Variants in CNOT6 observed in about 807,000 individuals in gnomAD.
CNOT6 encodes the protein CCR4-NOT transcription complex subunit 6, also known as carbon catabolite repression 4 protein.
CNOT6 carries 12 observed loss-of-function variants against 61.2 expected under a neutral mutation model. The observed-to-expected ratio is 0.20, with a 90% CI of 0.13 to 0.32. The LOEUF (loss-of-function observed/expected upper bound fraction) is 0.32, where lower values mean the gene tolerates loss of function less well. CNOT6 is among the 10% of genes least tolerant of loss of function. The probability of loss-of-function intolerance (pLI) is 1.00; values close to 1 mark genes in which losing one functional copy is unlikely to be tolerated. For synonymous variants in CNOT6, 225 were observed against 240.6 expected, an observed-to-expected ratio of 0.94 and a Z score of 0.60; for missense variants, 405 against 663.9, an observed-to-expected ratio of 0.61 and a Z score of 4.28.
rs1309965304 is a variant in CNOT6 at position 180,494,463 on chromosome 5, G to GCGGCGGCGA, written c.-294_-286dup. On this transcript the variant is annotated 5_prime_UTR_variant, in exon 1 of 12. Transcript: ENST00000261951. ...GGAGGAGGAGGCGGCGGCGTCGGTGGCGGCGGCGACGGCGGCGCGGAGGCG... is the reference window on the plus strand; with the variant it reads ...GGAGGAGGAGGCGGCGGCGTCGGTGGCGGCGGCGACGGCGGCGACGGCGGCGCGGAGGCG... 1 of 156,450 alleles carries GCGGCGGCGA rather than the reference G, an allele frequency of 6.4e-6. No homozygotes were observed. Among genetic ancestry groups the GCGGCGGCGA allele is most frequent in the Admixed American group, 6.6e-5 (1 of 15,266 alleles). The allele number at this position is 156,450 out of a possible 1,614,324, so 9.7% of individuals were successfully genotyped here.
At chr5:180,544,802 C>G (rs1188931286) in intron 2 of CNOT6, among the ~76,000 whole-genome samples, 2 of 152,160 alleles carry the variant, frequency 1.3e-5, no homozygotes, top group African/African-American at 4.8e-5. Flanking sequence ...ACACAGAAAA[C>G]TTAGTAGGGA....
chr5:180,519,607 A>G (rs1757793118), intron 1 of CNOT6, among the ~76,000 whole-genome samples: 1 of 152,222 alleles, frequency 6.6e-6, no homozygotes, highest in African/African-American at 2.4e-5. Flanking sequence ...ATGTATATCC[A>G]TATAAACCAT....
At chr5:180,543,292 C>T (rs1335357939) in intron 2 of CNOT6, among the ~76,000 whole-genome samples, 1 of 152,118 alleles carries the variant, frequency 6.6e-6, no homozygotes, top group Non-Finnish European at 1.5e-5. Context: ...ATCTCCTGAC[C>T]TCGTGGTACA....
intron 1 of CNOT6, among the ~76,000 whole-genome samples, chr5:180,510,764 G>A (rs1204068381): frequency 6.6e-6 from 1 of 151,898 alleles, no homozygotes; most frequent in East Asian, 1.9e-4. Context: ...TTGGGTGAGT[G>A]TCTTTTGGGG....
intron 1 of CNOT6, among the ~76,000 whole-genome samples, chr5:180,510,108 CTAAATGAGGTT>C (rs1244613600): frequency 7.4e-6 from 1 of 134,734 alleles, no homozygotes; most frequent in Non-Finnish European, 1.5e-5. Context: ...AGGACAGCTC[CTAAATGAGGTT>C]TATCGTCTGT....
intron 2 of CNOT6, among the ~76,000 whole-genome samples, chr5:180,533,854 T>G (rs999926738): frequency 6.6e-6 from 1 of 152,192 alleles, no homozygotes; most frequent in African/African-American, 2.4e-5. Flanking sequence ...AAGGAGATTA[T>G]TTGGAGTGGG....
In CNOT6 at chr5:180,550,075, T is replaced by G. The variant is rs756057592; in HGVS notation, c.257T>G (p.Ile86Ser). ...LVYLDLSSNK[I>S]RSLPAELGNM... ...TATTTGGACCTGTCATCTAATAAAA[T>G]TCGTAGCTTACCCGCAGAACTCGGA... The change falls in exon 3 of 12, where the codon ATT (isoleucine) becomes AGT (serine). Residue 86 changes from isoleucine (I) to serine (S), a missense_variant. Ile to Ser is a moderately radical substitution (Grantham distance 142). Coordinates refer to ENST00000261951, the MANE Select transcript of CNOT6 (RefSeq NM_001370472.1). 1 of 1,614,056 alleles carries G rather than the reference T, an allele frequency of 6.2e-7. No homozygotes were observed. Among genetic ancestry groups the G allele is most frequent in the South Asian group, 1.1e-5 (1 of 91,066 alleles).
chr5:180,536,868 G>A (rs1220243120), intron 2 of CNOT6, among the ~76,000 whole-genome samples: 1 of 152,302 alleles, frequency 6.6e-6, no homozygotes, highest in African/African-American at 2.4e-5. Context: ...TGATCTTCCT[G>A]TCTTAATTTT....
intron 2 of CNOT6, among the ~76,000 whole-genome samples, chr5:180,544,457 C>T (rs541479231): frequency 2.0e-5 from 3 of 152,060 alleles, no homozygotes; most frequent in Non-Finnish European, 4.4e-5. Flanking sequence ...AAATTTATTC[C>T]AGAATCGTGT....
At chr5:180,519,185 A>C (rs1318392116) in intron 1 of CNOT6, among the ~76,000 whole-genome samples, 1 of 152,216 alleles carries the variant, frequency 6.6e-6, no homozygotes, top group African/African-American at 2.4e-5. Context: ...AGGAAGTCCA[A>C]GTAAGTTGTT....
At chr5:180,550,803 C>T (rs933661672) in intron 3 of CNOT6, among the ~76,000 whole-genome samples, 12 of 152,088 alleles carry the variant, frequency 7.9e-5, no homozygotes, top group African/African-American at 2.7e-4. Context: ...TTTGCCATCC[C>T]AGGGCTTGTA....
At position 180,525,088 on chromosome 5, in the gene CNOT6, A is replaced by T. The variant is rs568244527; in HGVS notation, c.-2-4187A>T. Among the ~76,000 whole-genome samples, 11 of 152,278 alleles carry T rather than the reference A, an allele frequency of 7.2e-5. No homozygotes were observed. The South Asian group carries it at 2.3e-3, about 32-fold the overall frequency. On this transcript the variant is annotated intron_variant, in intron 1 of 11. Transcript: ENST00000261951. ...GTTCTTTTGTATTGAATATTTTTTT[A>T]TCCGTCTAAAAACAGCAGTTATTAT...
At chr5:180,551,122 T>C (rs1187412265) in intron 3 of CNOT6, among the ~76,000 whole-genome samples, 3 of 151,948 alleles carry the variant, frequency 2.0e-5, no homozygotes, top group African/African-American at 7.3e-5. Context: ...GGCGGGCTGA[T>C]TGCTTGAGCC....
rs553433714 is a variant in CNOT6 at position 180,550,579 on chromosome 5, T to C, written c.299+462T>C. Reference sequence around the variant, plus strand: ...TAGTTTTGTTTTTGGGAAAATTGAATGTCAGCTAATAATAAATTAAGTAGA... The same window carrying C: ...TAGTTTTGTTTTTGGGAAAATTGAACGTCAGCTAATAATAAATTAAGTAGA... On this transcript the variant is annotated intron_variant, in intron 3 of 11. Transcript: ENST00000261951. Among the ~76,000 whole-genome samples the C allele has an allele frequency of 3.5e-4, 54 of 152,380 alleles. 1 individual carries two copies. The highest frequency in any genetic ancestry group is 1.2e-3 in the African/African-American group (51 of 41,604).
chr5:180,528,298 C>T (rs1161847789), intron 1 of CNOT6, among the ~76,000 whole-genome samples: 3 of 152,040 alleles, frequency 2.0e-5, no homozygotes, highest in Non-Finnish European at 4.4e-5. Context: ...ATGTTTGATT[C>T]TTTTATTATT....
At chr5:180,536,712 G>A (rs1195489871) in intron 2 of CNOT6, among the ~76,000 whole-genome samples, 1 of 152,208 alleles carries the variant, frequency 6.6e-6, no homozygotes, top group African/African-American at 2.4e-5. Context: ...GTGGGTTCAA[G>A]CAATCCTCCT....
rs1761085921 is a variant in CNOT6, at chr5:180,578,038, G to T, written c.*3838G>T. ...GAGGAAAAATAAATGTTGATCAGCA[G>T]ACCACGTATTTAAAATTCTGAATCT... On this transcript the variant is annotated 3_prime_UTR_variant, in exon 12 of 12. Transcript: ENST00000261951. 6.6e-6 allele frequency: 1 copy of T among 152,628 alleles called. No individual in the cohort carries two copies. Among genetic ancestry groups the T allele is most frequent in the Non-Finnish European group, 1.5e-5 (1 of 68,036 alleles). The allele number at this position is 152,628 out of a possible 1,614,324, so 9.5% of individuals were successfully genotyped here. A position where few individuals can be genotyped will look rare whatever the true frequency, so the allele number is the denominator to read the frequency against.
intron 1 of CNOT6, among the ~76,000 whole-genome samples, chr5:180,518,550 A>T (rs1757748454): frequency 6.6e-6 from 1 of 151,976 alleles, no homozygotes; most frequent in Non-Finnish European, 1.5e-5. Flanking sequence ...ACAAGGTCTC[A>T]CTCTGTCACC....
chr5:180,499,499 A>G (rs556200593), intron 1 of CNOT6, among the ~76,000 whole-genome samples: 7 of 152,344 alleles, frequency 4.6e-5, no homozygotes. Flanking sequence ...GACTAGCTTA[A>G]GGTCTAAGAA....
Sources: allele counts gnomAD v4.1 joint callset (sites outside exome capture counted in the v4.1 genomes callset), GRCh38; gene constraint gnomAD v4.1.1; transcripts MANE v1.5; gene names NCBI Gene and HGNC (gene_info 2026-07-23, HGNC 2026-07-21).